The following ICAM3 variants were observed in gnomAD, a reference collection of about 807,000 sequenced individuals.
ICAM3 encodes intercellular adhesion molecule 3.
A neutral mutation model predicts 43.6 loss-of-function variants in ICAM3; 54 were observed. The ratio of observed to expected loss-of-function variants is 1.24; its 90% CI spans 0.99 to 1.55. The LOEUF (loss-of-function observed/expected upper bound fraction) is 1.55. ICAM3 is among the 40% of genes most tolerant of loss of function. The pLI is 0.00. For missense variants in ICAM3, 715 were observed against 717.9 expected, an observed-to-expected ratio of 1.00 and a Z score of 0.05; for synonymous variants, 306 against 312.6, an observed-to-expected ratio of 0.98 and a Z score of 0.22.
At chr19:10,336,033 C>T (rs1391033952) in intron 2 of ICAM3, 57 bp from the exon 3 acceptor site, 2 of 1,451,268 alleles carry the variant, frequency 1.4e-6, no homozygotes, top group East Asian at 2.5e-5. Context: ...CCCACTCACC[C>T]CAGGGACTGG....
rs1208889901 is a variant in ICAM3, at chr19:10,333,941, A to G, written c.1560T>C (p.His520=). 2.5e-6 allele frequency: 4 copies of G among 1,613,996 alleles called. No individual in the cohort carries two copies. The African/African-American group carries it at 5.3e-5, about 22-fold the overall frequency. Reference sequence around the variant, plus strand: ...GCAGATAGGTGCTCTCCTCCCTAACATGGTAACTGCCGCTCCGTTGGTGCT... The same window carrying G: ...GCAGATAGGTGCTCTCCTCCCTAACGTGGTAACTGCCGCTCCGTTGGTGCT... ...FREHQRSGSY[H]VREESTYLPL... is the part of the protein sequence containing the mutation. The change falls in exon 7 of 7, where the codon CAT becomes CAC. Residue 520 remains histidine, a synonymous_variant. Transcript: ENST00000160262. This position sits in a 1 kb window ranked among gnomAD's most constrained non-coding sequence, Gnocchi z 4.2.
chr19:10,337,885 C>T (rs2040615213), intron 2 of ICAM3, among the ~76,000 whole-genome samples: 1 of 152,166 alleles, frequency 6.6e-6, no homozygotes, highest in Non-Finnish European at 1.5e-5. Context: ...GCCTTGGCCT[C>T]CCAAAGTGTT....
rs116900565 is a variant in ICAM3 at position 10,334,556 on chromosome 19, C to T, written c.1164G>A (p.Arg388=). The T allele has an allele frequency of 0.013, 21,674 of 1,612,904 alleles. 170 individuals carry two copies. Among genetic ancestry groups the T allele is most frequent in the Non-Finnish European group, 0.016 (18,717 of 1,179,290 alleles). The part of the protein sequence containing the change: ...TLEVDGEFLH[R]NSSVQLRVLY... ...GGACTCGCAGCTGGACGCTACTGTT[C>T]CTGTGCAAGAACTCGCCGTCCACCT... Residue 388 remains arginine (R), a synonymous_variant, in exon 5 of 7, where the codon AGG becomes AGA. Coordinates refer to ENST00000160262, the MANE Select transcript of ICAM3 (RefSeq NM_002162.5). This position sits in a 1 kb window ranked among gnomAD's most constrained non-coding sequence, Gnocchi z 5.5.
intron 2 of ICAM3, among the ~76,000 whole-genome samples, chr19:10,336,805 A>G (rs1424924413): frequency 3.3e-4 from 8 of 24,274 alleles, no homozygotes; most frequent in Non-Finnish European, 2.8e-4. Context: ...ACTCTATGTC[A>G]AAAAAAAAAA....
At position 10,334,305 on chromosome 19, in the gene ICAM3, C is replaced by T. The variant is rs1455643581; in HGVS notation, c.1296G>A (p.Glu432=). The part of the protein sequence containing the change: ...QCQARGNPYP[E]LRCLKEGSSR... ...TGGAGCCTTCCTTCAAACACCGCAGCTCGGGGTACGGGTTGCCCCTGGCTT... is the reference window on the plus strand; with the variant it reads ...TGGAGCCTTCCTTCAAACACCGCAGTTCGGGGTACGGGTTGCCCCTGGCTT... The change falls in exon 6 of 7, where the codon GAG becomes GAA. Residue 432 remains glutamate, a synonymous_variant. Coordinates refer to ENST00000160262, the MANE Select transcript of ICAM3 (RefSeq NM_002162.5). This position sits in a 1 kb window ranked among gnomAD's most constrained non-coding sequence, Gnocchi z 5.5. The T allele has an allele frequency of 2.5e-6, 4 of 1,614,206 alleles. No individual in the cohort carries two copies. The highest frequency in any genetic ancestry group is 1.1e-5 in the South Asian group (1 of 91,088).
intron 2 of ICAM3, among the ~76,000 whole-genome samples, chr19:10,336,843 C>T (rs571823115): frequency 1.9e-4 from 27 of 145,680 alleles, no homozygotes; most frequent in Admixed American, 4.2e-4. Context: ...GGCAAGGTGA[C>T]TCATGCCTGT....
Position 10,338,627 on chromosome 19 carries a change from CA to C in ICAM3, c.343+54del, listed in dbSNP as rs34622980. 4 of 1,572,644 alleles carry C rather than the reference CA, an allele frequency of 2.5e-6. No homozygotes were observed. In the Admixed American group the frequency reaches 5.1e-5, roughly 20 times the overall value. On this transcript the variant is annotated intron_variant, in intron 2 of 6. Transcript: ENST00000160262. ...GTCCCCACTCTCCTGAGCCATTGGC[CA>C]CTTGCCCACACCACTACCCAAGACC...
intron 2 of ICAM3, among the ~76,000 whole-genome samples, chr19:10,336,708 A>C (rs781592097): frequency 1.3e-5 from 2 of 150,178 alleles, no homozygotes; most frequent in Non-Finnish European, 3.0e-5. Context: ...CAGGAGGCTG[A>C]GGCACAAGAA....
At chr19:10,335,593 C>A in intron 3 of ICAM3, 78 bp downstream of exon 3, 2 of 1,404,262 alleles carry the variant, frequency 1.4e-6, no homozygotes, top group Non-Finnish European at 1.9e-6. Context: ...GGGTACCCCA[C>A]TCTCAGGAAC....
Position 10,334,888 on chromosome 19 carries a change from T to A in ICAM3, c.938-106A>T. On this transcript the variant is annotated intron_variant, in intron 4 of 6. Transcript: ENST00000160262. This position sits in a 1 kb window ranked among gnomAD's most constrained non-coding sequence, Gnocchi z 5.5. ...CTCTCGGGATATCCGGGCCACGCTT[T>A]CGGCCGTTCAAGCCTCGCCCTCTTT... is the stretch of plus-strand genomic sequence containing the variant. 1.4e-6 allele frequency: 2 copies of A among 1,472,762 alleles called. No homozygotes were observed. Among genetic ancestry groups the A allele is most frequent in the Non-Finnish European group, 1.8e-6 (2 of 1,099,968 alleles). The allele number at this position is 1,472,762 out of a possible 1,614,324, so 91.2% of individuals were successfully genotyped here.
Position 10,334,282 on chromosome 19 carries a change from G to A in ICAM3, c.1319C>T (p.Ser440Phe). Residue 440 changes from serine (S) to phenylalanine (F), a missense_variant, in exon 6 of 7, where the codon TCC becomes TTC. Coordinates refer to ENST00000160262, the MANE Select transcript of ICAM3 (RefSeq NM_002162.5). The surrounding 1 kb of genome is among the most constrained non-coding windows in gnomAD (Gnocchi z 5.5). ...YPELRCLKEG[S>F]SREVPVGIPF... Reference sequence around the variant, plus strand: ...GATCCCCACCGGCACCTCCCGGCTGGAGCCTTCCTTCAAACACCGCAGCTC... The same window carrying A: ...GATCCCCACCGGCACCTCCCGGCTGAAGCCTTCCTTCAAACACCGCAGCTC... The A allele has an allele frequency of 3.7e-6, 6 of 1,614,174 alleles. No individual in the cohort carries two copies. Among genetic ancestry groups the A allele is most frequent in the Non-Finnish European group, 5.1e-6 (6 of 1,180,032 alleles).
At position 10,335,663 on chromosome 19, in the gene ICAM3, T is replaced by C; in HGVS notation, c.649+8A>G. The C allele has an allele frequency of 6.3e-7, 1 of 1,594,248 alleles. No individual in the cohort carries two copies. The highest frequency in any genetic ancestry group is 8.5e-7 in the Non-Finnish European group (1 of 1,169,904). On this transcript the variant is annotated splice_region_variant and intron_variant, in intron 3 of 6. Coordinates refer to ENST00000160262, the MANE Select transcript of ICAM3 (RefSeq NM_002162.5). ...TCGTCACCCACCGTCTGAAGCCCCT[T>C]CTCTCACCAAAGGTTCGGAGCTGGC...
Position 10,335,832 on chromosome 19 carries a change from CG to C in ICAM3, c.487del (p.Arg163GlyfsTer43). 6.2e-7 allele frequency: 1 copy of C among 1,612,064 alleles called. No homozygotes were observed. The highest frequency in any genetic ancestry group is 8.5e-7 in the Non-Finnish European group (1 of 1,179,838). ...VLLRWEEELS[R>X]QPAVEEPAEV... ...CGCTGGCTCCTCCACTGCGGGCTGC[CG>C]GCTCAGCTCCTCCTCCCAGCGAAGC... On this transcript the variant is annotated frameshift_variant, in exon 3 of 7. Coordinates refer to ENST00000160262, the MANE Select transcript of ICAM3 (RefSeq NM_002162.5). LOFTEE classifies it high-confidence loss of function.
intron 2 of ICAM3, among the ~76,000 whole-genome samples, chr19:10,336,635 A>G (rs1229468192): frequency 1.3e-5 from 2 of 151,630 alleles, no homozygotes; most frequent in African/African-American, 2.4e-5. Context: ...GTGAAACCCC[A>G]TCTCTACTAA....
intron 2 of ICAM3, 26 bp downstream of exon 2, chr19:10,338,655 GT>G (rs1568319482): frequency 1.2e-6 from 2 of 1,610,726 alleles, no homozygotes; most frequent in Admixed American, 1.7e-5. Flanking sequence ...CCCAAGACCA[GT>G]CCCACCTCCG....
In ICAM3 at chr19:10,335,975, C is replaced by T; in HGVS notation, c.345G>A (p.Arg115=). The T allele has an allele frequency of 6.5e-7, 1 of 1,549,192 alleles. No homozygotes were observed. The highest frequency in any genetic ancestry group is 8.7e-7 in the Non-Finnish European group (1 of 1,151,926). ...GTGCCAGCTCCACACGCTCCGGGAGCCCTGAGAGAGGAGGGGAGGATGGCA... is the reference window on the plus strand; with the variant it reads ...GTGCCAGCTCCACACGCTCCGGGAGTCCTGAGAGAGGAGGGGAGGATGGCA... The part of the protein sequence containing the change: ...ITGSSNITVY[R]LPERVELAPL... Residue 115 remains arginine (R), a splice_region_variant and synonymous_variant, in exon 3 of 7, where the codon AGG becomes AGA. Transcript: ENST00000160262.
At position 10,337,442 on chromosome 19, in the gene ICAM3, GA is replaced by G. The variant is rs1181934944; in HGVS notation, c.343+1239del. On this transcript the variant is annotated intron_variant, in intron 2 of 6. Transcript: ENST00000160262. ...AAAAAAAAAAAAAAAGAAAAGAAAA[GA>G]AAAAAAAAAGTAGCCAGGCCTGCAA... Among the ~76,000 whole-genome samples, 450 of 145,514 alleles carry G rather than the reference GA, an allele frequency of 3.1e-3. 4 individuals carry two copies. The highest frequency in any genetic ancestry group is 0.031 in the East Asian group (151 of 4,898).
At position 10,335,155 on chromosome 19, in the gene ICAM3, C is replaced by T. The variant is rs1217479537; in HGVS notation, c.848G>A (p.Arg283His). The change falls in exon 4 of 7, where the codon CGC becomes CAC. Residue 283 changes from arginine (R) to histidine (H), a missense_variant. By Grantham distance (29) the Arg-to-His change is conservative (BLOSUM62 0). Coordinates refer to ENST00000160262, the MANE Select transcript of ICAM3 (RefSeq NM_002162.5). ...CTCCCGGGCACCCTCCTGATCCGCGCGCGCCGTGGCTGTGGCTGTGGCCGT... is the reference window on the plus strand; with the variant it reads ...CTCCCGGGCACCCTCCTGATCCGCGTGCGCCGTGGCTGTGGCTGTGGCCGT... The part of the protein sequence containing the change: ...TLTATATATA[R>H]ADQEGAREIV... 5 of 1,613,686 alleles carry T rather than the reference C, an allele frequency of 3.1e-6. No individual in the cohort carries two copies. The Admixed American group carries it at 8.3e-5, about 27-fold the overall frequency.
rs761463951 is a variant in ICAM3 at position 10,333,953 on chromosome 19, G to A, written c.1548C>T (p.Ser516=). The A allele has an allele frequency of 2.1e-5, 34 of 1,613,972 alleles. No homozygotes were observed. Among genetic ancestry groups the A allele is most frequent in the South Asian group, 7.7e-5 (7 of 91,086 alleles). The part of the protein sequence containing the change: ...LMYVFREHQR[S]GSYHVREEST... ...TCTCCTCCCTAACATGGTAACTGCC[G>A]CTCCGTTGGTGCTCCCTGAAGACGT... Residue 516 remains serine, a synonymous_variant, in exon 7 of 7, where the codon AGC becomes AGT. Coordinates refer to ENST00000160262, the MANE Select transcript of ICAM3 (RefSeq NM_002162.5). This position sits in a 1 kb window ranked among gnomAD's most constrained non-coding sequence, Gnocchi z 4.2.
Sources: gnomAD v4.1 joint callset for allele counts (sites outside exome capture counted in the v4.1 genomes callset) on GRCh38, gnomAD v4.1.1 for gene constraint, Gnocchi (gnomAD v3.1) non-coding constraint, MANE v1.5 for transcripts, NCBI Gene and HGNC (gene_info 2026-07-23, HGNC 2026-07-21) for gene names.